The following PRKCE variants were observed in gnomAD, a reference collection of about 807,000 sequenced individuals.
PRKCE encodes protein kinase C epsilon type.
Under a neutral mutation model 85.4 loss-of-function variants are expected in PRKCE, and 16 were observed. The observed-to-expected ratio is 0.19, with a 90% CI of 0.13 to 0.28. The LOEUF (loss-of-function observed/expected upper bound fraction) is 0.28. Among genes scored for constraint, PRKCE ranks in the 10% least tolerant of loss-of-function variants. PRKCE has a pLI of 1.00. For missense variants in PRKCE, 573 were observed against 975.2 expected (o/e 0.59, Z 5.49); for synonymous variants, 388 against 371.5 (o/e 1.04, Z -0.51).
intron 1 of PRKCE, among the ~76,000 whole-genome samples, chr2:45,778,019 C>G (rs1685886683): frequency 6.8e-6 from 1 of 148,124 alleles, no homozygotes; most frequent in Non-Finnish European, 1.5e-5. Flanking sequence ...AGAGAAAACC[C>G]AGAGGACTGG....
At chr2:46,071,007 A>T (rs1668042656) in intron 10 of PRKCE, among the ~76,000 whole-genome samples, 1 of 152,224 alleles carries the variant, frequency 6.6e-6, no homozygotes, top group Non-Finnish European at 1.5e-5. Flanking sequence ...CAAAAAGGCC[A>T]AGATGGAGAT....
Position 45,906,054 on chromosome 2 carries a change from C to G in PRKCE, c.412+62991C>G, listed in dbSNP as rs1049531014. Reference sequence around the variant, plus strand: ...TGGTATCATGATAGCATGCTGGAATCTAACATGAATTATCCTAACTTGGTA... The same window carrying G: ...TGGTATCATGATAGCATGCTGGAATGTAACATGAATTATCCTAACTTGGTA... On this transcript the variant is annotated intron_variant, in intron 2 of 14. Transcript: ENST00000306156. Among the ~76,000 whole-genome samples the G allele has an allele frequency of 9.6e-4, 146 of 152,364 alleles. 1 individual carries two copies. Among genetic ancestry groups the G allele is most frequent in the African/African-American group, 3.3e-3 (139 of 41,584 alleles).
intron 1 of PRKCE, chr2:45,675,701 A>C (rs1252351653): frequency 6.6e-6 from 1 of 151,840 alleles, no homozygotes; most frequent in Non-Finnish European, 1.5e-5. Flanking sequence ...GGAGGAGGGG[A>C]GGCGGGGAGG....
chr2:45,741,168 G>C (rs1371573054), intron 1 of PRKCE, among the ~76,000 whole-genome samples: 1 of 152,198 alleles, frequency 6.6e-6, no homozygotes, highest in Non-Finnish European at 1.5e-5. Flanking sequence ...GCCTGTAAAG[G>C]AGTCTGTAAT....
chr2:45,763,798 C>A (rs1684701695), intron 1 of PRKCE, among the ~76,000 whole-genome samples: 1 of 152,146 alleles, frequency 6.6e-6, no homozygotes, highest in Admixed American at 6.6e-5. Context: ...GCTCTAGGCT[C>A]TCTCTCACGG....
chr2:46,046,883 T>C (rs1195560565), intron 10 of PRKCE, among the ~76,000 whole-genome samples: 1 of 152,172 alleles, frequency 6.6e-6, no homozygotes, highest in Admixed American at 6.5e-5. Context: ...GTGTAGTCAT[T>C]GAGTGATCAT....
chr2:45,748,485 C>T (rs565573014), intron 1 of PRKCE, among the ~76,000 whole-genome samples: 1 of 152,300 alleles, frequency 6.6e-6, no homozygotes, highest in Non-Finnish European at 1.5e-5. Context: ...CTGTGCCTGG[C>T]AAGCAGGCCG....
intron 2 of PRKCE, among the ~76,000 whole-genome samples, chr2:45,844,634 A>G: frequency 6.6e-6 from 1 of 152,236 alleles, no homozygotes; most frequent in East Asian, 1.9e-4. Context: ...CTGGCGAAAC[A>G]TTTGATGGGC....
chr2:45,903,706 G>A (rs1233765822), intron 2 of PRKCE, among the ~76,000 whole-genome samples: 3 of 152,196 alleles, frequency 2.0e-5, no homozygotes, highest in Non-Finnish European at 4.4e-5. Context: ...AGACCAGAAA[G>A]TGATGTAGAA....
At chr2:46,000,107 A>G (rs974702133) in intron 6 of PRKCE, among the ~76,000 whole-genome samples, 1 of 151,030 alleles carries the variant, frequency 6.6e-6, no homozygotes, top group African/African-American at 2.4e-5. Context: ...TCTAGTTCTG[A>G]TGTTTGCCTT....
intron 1 of PRKCE, among the ~76,000 whole-genome samples, chr2:45,708,606 C>CT (rs978324324): frequency 2.6e-5 from 4 of 152,238 alleles, no homozygotes; most frequent in Non-Finnish European, 5.9e-5. Flanking sequence ...CCACGTGGAA[C>CT]TGTAAGTCCA....
rs113265763 is a variant in PRKCE at position 45,892,879 on chromosome 2, C to G, written c.412+49816C>G. On this transcript the variant is annotated intron_variant, in intron 2 of 14. Coordinates refer to ENST00000306156, the MANE Select transcript of PRKCE (RefSeq NM_005400.3). The stretch of plus-strand genomic sequence containing the variant: ...TGCAGAAAGAGCGACCAGAAATGTG[C>G]AGCAGTCAGTAATGTACCCCCCGGG... Among the ~76,000 whole-genome samples the G allele has an allele frequency of 3.7e-3, 562 of 152,294 alleles. 4 individuals are homozygous for G. Among genetic ancestry groups the G allele is most frequent in the African/African-American group, 0.013 (552 of 41,562 alleles).
intron 2 of PRKCE, among the ~76,000 whole-genome samples, chr2:45,970,581 T>A (rs929898439): frequency 2.6e-5 from 4 of 152,038 alleles, no homozygotes; most frequent in Non-Finnish European, 5.9e-5. Flanking sequence ...TAGACTAAGA[T>A]TAAGAAGATA....
chr2:45,795,514 T>TG, intron 1 of PRKCE, among the ~76,000 whole-genome samples: 1 of 152,274 alleles, frequency 6.6e-6, no homozygotes, highest in East Asian at 1.9e-4. Context: ...TTCATCATGT[T>TG]GGCCAGGCTG....
At chr2:46,165,038 C>T (rs1383847684) in intron 14 of PRKCE, 2 of 152,362 alleles carry the variant, frequency 1.3e-5, no homozygotes, top group Non-Finnish European at 2.9e-5. Flanking sequence ...GAGATGTCTG[C>T]TAAGCTGAGA....
rs1447186268 is a variant in PRKCE, at chr2:46,186,952, A to G, written c.*2071A>G. On this transcript the variant is annotated 3_prime_UTR_variant, in exon 15 of 15. Transcript: ENST00000306156. Reference sequence around the variant, plus strand: ...ATTCATGTGTTTGGCATACCAGTGAATGATGAAGAACATGAGATTAATTTA... The same window carrying G: ...ATTCATGTGTTTGGCATACCAGTGAGTGATGAAGAACATGAGATTAATTTA... 1.3e-5 allele frequency: 2 copies of G among 152,478 alleles called. No homozygotes were observed. The highest frequency in any genetic ancestry group is 1.3e-4 in the Admixed American group (2 of 15,274). The allele number at this position is 152,478 out of a possible 1,614,324, so 9.4% of individuals were successfully genotyped here.
intron 2 of PRKCE, among the ~76,000 whole-genome samples, chr2:45,959,509 A>G (rs1175375467): frequency 6.6e-6 from 1 of 152,184 alleles, no homozygotes; most frequent in Non-Finnish European, 1.5e-5. Flanking sequence ...AAAAAACAGA[A>G]GCATTAATTT....
intron 14 of PRKCE, among the ~76,000 whole-genome samples, chr2:46,167,314 A>C (rs750826474): frequency 6.6e-6 from 1 of 152,214 alleles, no homozygotes; most frequent in Non-Finnish European, 1.5e-5. Flanking sequence ...GCTGTGAAGC[A>C]TCAACAAACC....
At chr2:46,017,786 A>G (rs1334294014) in intron 10 of PRKCE, among the ~76,000 whole-genome samples, 3 of 152,160 alleles carry the variant, frequency 2.0e-5, no homozygotes, top group Admixed American at 6.5e-5. Flanking sequence ...TTTAATGTGC[A>G]TTTCCCTAGT....
Sources: allele counts gnomAD v4.1 joint callset (sites outside exome capture counted in the v4.1 genomes callset), GRCh38; gene constraint gnomAD v4.1.1; transcripts MANE v1.5; gene names NCBI Gene and HGNC (gene_info 2026-07-23, HGNC 2026-07-21).